Variants in EXOC4 observed in about 807,000 individuals in gnomAD.
EXOC4 encodes the protein SEC8-like 1.
Under a neutral mutation model 107.2 loss-of-function variants are expected in EXOC4, and 71 were observed. That is an observed-to-expected ratio of 0.66 (90% CI 0.55 to 0.81). The LOEUF (loss-of-function observed/expected upper bound fraction) is 0.81, where lower values mean the gene tolerates loss of function less well. Ranked by LOEUF, EXOC4 falls within the 30% of genes least tolerant of loss-of-function variation. The pLI, the probability that EXOC4 is intolerant of heterozygous loss-of-function variation, is 0.00. For missense variants in EXOC4, 1,108 were observed against 1,189.6 expected (o/e 0.93, Z 1.01); for synonymous variants, 456 against 441.2 (o/e 1.03, Z -0.42).
At chr7:133,579,489 T>G (rs1005435232) in intron 9 of EXOC4, among the ~76,000 whole-genome samples, 3 of 152,142 alleles carry the variant, frequency 2.0e-5, no homozygotes, top group Admixed American at 2.0e-4. Context: ...CAATTGACTT[T>G]TAGACTTAAA....
chr7:133,645,637 A>G (rs1802971650), intron 10 of EXOC4, among the ~76,000 whole-genome samples: 1 of 152,040 alleles, frequency 6.6e-6, no homozygotes, highest in Non-Finnish European at 1.5e-5. Flanking sequence ...AATTAAGGTC[A>G]TATAGTTCTC....
intron 9 of EXOC4, among the ~76,000 whole-genome samples, chr7:133,557,224 C>T (rs1330155818): frequency 6.6e-6 from 1 of 152,168 alleles, no homozygotes; most frequent in Non-Finnish European, 1.5e-5. Context: ...AAATACCACC[C>T]TGGTTTCTCC....
At chr7:133,281,395 T>C (rs1433933744) in intron 2 of EXOC4, among the ~76,000 whole-genome samples, 1 of 147,300 alleles carries the variant, frequency 6.8e-6, no homozygotes, top group Non-Finnish European at 1.5e-5. Context: ...AAAAATTGGG[T>C]TGGTCTCTTA....
chr7:133,325,523 A>G (rs1486169474), intron 5 of EXOC4, among the ~76,000 whole-genome samples: 1 of 152,154 alleles, frequency 6.6e-6, no homozygotes, highest in Non-Finnish European at 1.5e-5. Context: ...TTCTTTAAGA[A>G]TGTTGTATAT....
intron 14 of EXOC4, among the ~76,000 whole-genome samples, chr7:133,970,928 T>C (rs1801206635): frequency 6.6e-6 from 1 of 152,076 alleles, no homozygotes; most frequent in Non-Finnish European, 1.5e-5. Context: ...TACTGACTTC[T>C]CAGCCCTGAA....
At chr7:133,850,639 C>G (rs917905017) in intron 11 of EXOC4, among the ~76,000 whole-genome samples, 1 of 150,854 alleles carries the variant, frequency 6.6e-6, no homozygotes. Context: ...AGGTTACCCC[C>G]CCACACACAC....
chr7:133,675,668 C>T (rs991894837), intron 10 of EXOC4, among the ~76,000 whole-genome samples: 3 of 152,146 alleles, frequency 2.0e-5, no homozygotes, highest in Non-Finnish European at 4.4e-5. Context: ...GAGCAGACTA[C>T]ATATCTGATG....
At position 133,409,113 on chromosome 7, in the gene EXOC4, C is replaced by T. The variant is rs549419716; in HGVS notation, c.1182+34111C>T. Among the ~76,000 whole-genome samples, 4 of 152,248 alleles carry T rather than the reference C, an allele frequency of 2.6e-5. No individual in the cohort carries two copies. In the South Asian group the frequency reaches 6.2e-4, roughly 24 times the overall value. ...CCATTGTTCTTACTTATAGGCTGTA[C>T]CTCTGTGTTGTTCATAAGGGATTGT... On this transcript the variant is annotated intron_variant, in intron 7 of 17. Transcript: ENST00000253861.
At chr7:133,632,375 C>G (rs1012263573) in intron 10 of EXOC4, among the ~76,000 whole-genome samples, 8 of 152,096 alleles carry the variant, frequency 5.3e-5, no homozygotes, top group African/African-American at 1.7e-4. Context: ...AATGGAAATC[C>G]CCAAAATATT....
intron 2 of EXOC4, among the ~76,000 whole-genome samples, chr7:133,277,987 A>G (rs1794036693): frequency 6.6e-6 from 1 of 152,192 alleles, no homozygotes; most frequent in Admixed American, 6.5e-5. Context: ...CTCAGAGCCA[A>G]GCAAAATGTT....
At chr7:133,331,667 G>T (rs191126832) in intron 5 of EXOC4, among the ~76,000 whole-genome samples, 2 of 151,744 alleles carry the variant, frequency 1.3e-5, no homozygotes, top group African/African-American at 4.8e-5. Context: ...GGGTTTCACC[G>T]TGTTAGCCAG....
At chr7:133,301,858 C>T (rs1043494454) in intron 3 of EXOC4, among the ~76,000 whole-genome samples, 3 of 152,086 alleles carry the variant, frequency 2.0e-5, no homozygotes, top group East Asian at 1.9e-4. Context: ...TAGTGTTCCT[C>T]CAAAATATTT....
intron 9 of EXOC4, among the ~76,000 whole-genome samples, chr7:133,566,693 T>C (rs945719283): frequency 6.6e-6 from 1 of 152,230 alleles, no homozygotes; most frequent in Non-Finnish European, 1.5e-5. Flanking sequence ...CTATTCTTGC[T>C]TTGTTGTTTG....
At chr7:133,795,291 T>G (rs895468461) in intron 10 of EXOC4, among the ~76,000 whole-genome samples, 1 of 152,180 alleles carries the variant, frequency 6.6e-6, no homozygotes, top group African/African-American at 2.4e-5. Flanking sequence ...TAATGTCTCC[T>G]TGCTTTTAGT....
intron 17 of EXOC4, among the ~76,000 whole-genome samples, chr7:134,059,659 A>T (rs1796011234): frequency 6.6e-6 from 1 of 152,210 alleles, no homozygotes; most frequent in Admixed American, 6.5e-5. Flanking sequence ...TCTATCCATG[A>T]GAAAGTAAGT....
At chr7:133,395,109 C>CTT (rs200545904) in intron 7 of EXOC4, among the ~76,000 whole-genome samples, 4 of 130,854 alleles carry the variant, frequency 3.1e-5, no homozygotes, top group African/African-American at 8.5e-5. Flanking sequence ...ATACTTTTGC[C>CTT]TTTTTTTTTT....
intron 9 of EXOC4, among the ~76,000 whole-genome samples, chr7:133,512,411 A>G (rs1799787703): frequency 6.6e-6 from 1 of 152,034 alleles, no homozygotes; most frequent in Non-Finnish European, 1.5e-5. Flanking sequence ...CCTGGGCGAT[A>G]GAGTGAGACT....
chr7:133,822,983 A>G (rs75950372), intron 11 of EXOC4, among the ~76,000 whole-genome samples: 5 of 152,324 alleles, frequency 3.3e-5, no homozygotes, highest in East Asian at 1.9e-4. Flanking sequence ...AGTCTAGCAC[A>G]TTGATTTTGC....
At chr7:133,763,782 T>A (rs1796082129) in intron 10 of EXOC4, among the ~76,000 whole-genome samples, 1 of 152,082 alleles carries the variant, frequency 6.6e-6, no homozygotes, top group South Asian at 2.1e-4. Flanking sequence ...TTTTGTTTTT[T>A]TAATTTACTA....
Sources: allele counts gnomAD v4.1 joint callset (sites outside exome capture counted in the v4.1 genomes callset), GRCh38; gene constraint gnomAD v4.1.1; transcripts MANE v1.5; gene names NCBI Gene and HGNC (gene_info 2026-07-23, HGNC 2026-07-21).